The following PMM2 variants were observed in gnomAD, a reference collection of about 807,000 sequenced individuals.
PMM2 encodes mannose-6-phosphate isomerase.
Under a neutral mutation model 33.2 loss-of-function variants are expected in PMM2, and 35 were observed. The observed-to-expected ratio is 1.06, with a 90% CI of 0.81 to 1.40. PMM2 has a LOEUF of 1.40. Among genes scored for constraint, PMM2 ranks in the 40% most tolerant of loss-of-function variants. PMM2 has a pLI of 0.00. For missense variants in PMM2, 386 were observed against 306.0 expected (o/e 1.26, Z -1.95); for synonymous variants, 153 against 114.7 (o/e 1.33, Z -2.13).
At chr16:8,818,848 A>T (rs760839939) in intron 7 of PMM2, among the ~76,000 whole-genome samples, 2 of 152,206 alleles carry the variant, frequency 1.3e-5, no homozygotes, top group Admixed American at 6.5e-5. Context: ...TGGGCCTGGC[A>T]TGGAGTACCT....
chr16:8,827,079 T>C (rs1197299833), intron 7 of PMM2, among the ~76,000 whole-genome samples: 12 of 152,180 alleles, frequency 7.9e-5, no homozygotes, highest in Non-Finnish European at 1.8e-4. Flanking sequence ...CCAAGTAATG[T>C]GATTCAAAAC....
chr16:8,813,765 G>T (rs2060691058), intron 7 of PMM2, among the ~76,000 whole-genome samples: 1 of 151,894 alleles, frequency 6.6e-6, no homozygotes, highest in African/African-American at 2.4e-5. Flanking sequence ...GGGCAAGGTG[G>T]ATCCCCAGGA....
rs574135966 is a variant in PMM2, at chr16:8,821,454, G to A, written c.639+8348G>A. 4.6e-5 allele frequency among the ~76,000 whole-genome samples: 7 copies of A among 152,342 alleles called. No homozygotes were observed. The East Asian group carries it at 1.3e-3, about 29-fold the overall frequency. ...GGCTAACAACCAGCCCACAGAGTGA[G>A]CATCCCTGCCTGTGTCTGTGCTGAA... On this transcript the variant is annotated intron_variant, in intron 7 of 7. Transcript: ENST00000268261.
chr16:8,806,430 G>A, intron 4 of PMM2, 23 bp downstream of exon 4: 1 of 1,435,582 alleles, frequency 7.0e-7, no homozygotes, highest in Non-Finnish European at 9.8e-7. Flanking sequence ...TTAACAAAGA[G>A]GCGTCACAGG....
chr16:8,805,762 G>A (rs56156307), intron 3 of PMM2, among the ~76,000 whole-genome samples: 5,074 of 151,982 alleles, frequency 0.033, 158 homozygotes, highest in African/African-American at 0.084. Context: ...GCTCATTTTT[G>A]TATTTTTAGT....
intron 2 of PMM2, 31 bp from the exon 3 acceptor site, chr16:8,804,736 A>G: frequency 6.7e-7 from 1 of 1,492,372 alleles, no homozygotes; most frequent in South Asian, 1.1e-5. Context: ...GATTCTTTGC[A>G]TTCTAAGTGT....
At chr16:8,840,661 C>T (rs916644755) in intron 7 of PMM2, among the ~76,000 whole-genome samples, 6 of 151,908 alleles carry the variant, frequency 3.9e-5, no homozygotes, top group Middle Eastern at 3.2e-3. Flanking sequence ...TTGCAACTTC[C>T]AGGAGGAAGA....
intron 7 of PMM2, among the ~76,000 whole-genome samples, chr16:8,833,375 C>A (rs971590486): frequency 4.6e-5 from 7 of 152,210 alleles, no homozygotes; most frequent in African/African-American, 1.7e-4. Context: ...GCTATTTTTA[C>A]TTTTGCGGAT....
chr16:8,805,335 T>C (rs904319656), intron 3 of PMM2, among the ~76,000 whole-genome samples: 19 of 152,134 alleles, frequency 1.2e-4, no homozygotes, highest in African/African-American at 4.3e-4. Flanking sequence ...CCCAGAGTGC[T>C]GGGATTACAG....
intron 1 of PMM2, 145 bp downstream of exon 1, chr16:8,798,093 C>G: frequency 1.3e-6 from 1 of 780,796 alleles, no homozygotes; most frequent in East Asian, 2.7e-5. Flanking sequence ...TCTGGGTGCA[C>G]TGGAGGAATG....
At position 8,811,722 on chromosome 16, in the gene PMM2, T is replaced by C; in HGVS notation, c.523+9T>C. 6.3e-7 allele frequency: 1 copy of C among 1,587,288 alleles called. No individual in the cohort carries two copies. The highest frequency in any genetic ancestry group is 2.2e-5 in the East Asian group (1 of 44,736). ...CCTCACGTTTTCCATAGGTATTGTA[T>C]ATATTGCCTGTGTTCCAAACTTGGA... On this transcript the variant is annotated intron_variant, in intron 6 of 7. Transcript: ENST00000268261.
In PMM2 at chr16:8,847,900, C is replaced by T. The variant is rs965174469; in HGVS notation, c.*75C>T. On this transcript the variant is annotated 3_prime_UTR_variant, in exon 8 of 8. Coordinates refer to ENST00000268261, the MANE Select transcript of PMM2 (RefSeq NM_000303.3). Reference sequence around the variant, plus strand: ...TTCGGTGGCCAGAGCCGAGGGTCCTCCCACACGTGCTCACCCACCCGCAGC... The same window carrying T: ...TTCGGTGGCCAGAGCCGAGGGTCCTTCCACACGTGCTCACCCACCCGCAGC... 3 of 1,126,258 alleles carry T rather than the reference C, an allele frequency of 2.7e-6. No homozygotes were observed. The highest frequency in any genetic ancestry group is 1.2e-5 in the South Asian group (1 of 80,324). The allele number at this position is 1,126,258 out of a possible 1,614,324, so 69.8% of individuals were successfully genotyped here.
intron 7 of PMM2, among the ~76,000 whole-genome samples, chr16:8,825,756 A>ATT (rs35928064): frequency 0.064 from 8,623 of 134,190 alleles, 506 homozygotes; most frequent in African/African-American, 0.11. Context: ...ATAAAACACT[A>ATT]TTTTTTTTTT....
At chr16:8,817,632 T>C (rs1200777370) in intron 7 of PMM2, among the ~76,000 whole-genome samples, 1 of 152,250 alleles carries the variant, frequency 6.6e-6, no homozygotes, top group Non-Finnish European at 1.5e-5. Context: ...CATGCCTGGA[T>C]TCTATTTTTA....
At chr16:8,832,334 C>T (rs2060815431) in intron 7 of PMM2, 1 of 985,340 alleles carries the variant, frequency 1.0e-6, no homozygotes, top group Non-Finnish European at 1.2e-6. Context: ...GAGGCTCCTG[C>T]AGCCAGGGTC....
At chr16:8,815,488 C>T (rs7199726) in intron 7 of PMM2, among the ~76,000 whole-genome samples, 61,105 of 152,058 alleles carry the variant, frequency 0.4, 12,491 homozygotes, top group South Asian at 0.54. Context: ...GCCTTGGCCT[C>T]CTAAATTGAT....
intron 7 of PMM2, among the ~76,000 whole-genome samples, chr16:8,823,029 G>C (rs1414231128): frequency 6.6e-6 from 1 of 152,174 alleles, no homozygotes; most frequent in Non-Finnish European, 1.5e-5. Flanking sequence ...TAGACAGACA[G>C]ATTGGGGTAG....
chr16:8,818,753 A>T (rs898045742), intron 7 of PMM2, among the ~76,000 whole-genome samples: 1 of 149,580 alleles, frequency 6.7e-6, no homozygotes, highest in Non-Finnish European at 1.5e-5. Flanking sequence ...AATATTTGCC[A>T]TCTTCAGAAA....
chr16:8,838,379 G>C (rs886441568), intron 7 of PMM2, among the ~76,000 whole-genome samples: 2 of 151,982 alleles, frequency 1.3e-5, no homozygotes, highest in Non-Finnish European at 2.9e-5. Context: ...CGATGGCTTG[G>C]CTTGGGCTCA....
Sources: allele counts gnomAD v4.1 joint callset (sites outside exome capture counted in the v4.1 genomes callset), GRCh38; gene constraint gnomAD v4.1.1; transcripts MANE v1.5; gene names NCBI Gene and HGNC (gene_info 2026-07-23, HGNC 2026-07-21).